Variants in RAB33B observed in about 807,000 individuals in gnomAD.
The protein encoded by RAB33B is RAB33B, member RAS oncogene family.
Under a neutral mutation model 15.0 loss-of-function variants are expected in RAB33B, and 6 were observed. That is an observed-to-expected ratio of 0.40 (90% CI 0.22 to 0.79). The LOEUF is 0.79. Among genes scored for constraint, RAB33B ranks in the 30% least tolerant of loss-of-function variants. The pLI is 0.37. For missense variants in RAB33B, 257 were observed against 296.4 expected, an observed-to-expected ratio of 0.87 and a Z score of 0.98; for synonymous variants, 117 against 108.3, an observed-to-expected ratio of 1.08 and a Z score of -0.50.
the RAB33B span, among the ~76,000 whole-genome samples, chr4:139,442,270 A>T: frequency 6.6e-6 from 1 of 152,242 alleles, no homozygotes; most frequent in Non-Finnish European, 1.5e-5. Context: ...AGTTTAATAT[A>T]GCTGTTAAAT....
At chr4:139,445,692 T>G in the RAB33B span, among the ~76,000 whole-genome samples, 1 of 152,194 alleles carries the variant, frequency 6.6e-6, no homozygotes, top group African/African-American at 2.4e-5. Flanking sequence ...CTGCCAGTTT[T>G]GACTGGGGTC....
At position 139,473,109 on chromosome 4, in the gene RAB33B, A is replaced by G. The variant is rs1291716060; in HGVS notation, c.673A>G (p.Met225Val). Reference protein sequence around the residue: ...IILKPEPKPAMTCWC With the variant: ...IILKPEPKPAVTCWC ...CCTGAAGCCTGAACCAAAGCCTGCA[A>G]TGACGTGCTGGTGCTAAATAACAGT... Residue 225 changes from methionine to valine, a missense_variant, in exon 2 of 2, where the codon ATG (methionine) becomes GTG (valine). Physicochemically the swap from Met to Val is conservative, Grantham distance 21. Coordinates refer to ENST00000305626, the MANE Select transcript of RAB33B (RefSeq NM_031296.3). 1.2e-6 allele frequency: 2 copies of G among 1,603,218 alleles called. No homozygotes were observed. Among genetic ancestry groups the G allele is most frequent in the Non-Finnish European group, 1.7e-6 (2 of 1,174,502 alleles).
At chr4:139,453,405 G>A (rs1350505791), upstream of RAB33B, 1 of 152,372 alleles carries the variant, frequency 6.6e-6, no homozygotes, top group Non-Finnish European at 1.5e-5. Context: ...CCACAGCAAT[G>A]CGCCTGCCAA....
intron 1 of RAB33B, among the ~76,000 whole-genome samples, chr4:139,460,021 ATC>A (rs1411767971): frequency 1.3e-5 from 2 of 152,162 alleles, no homozygotes; most frequent in Non-Finnish European, 2.9e-5. Context: ...TACTCTGGAA[ATC>A]CAGAATTGAG....
intron 1 of RAB33B, among the ~76,000 whole-genome samples, chr4:139,459,175 C>G (rs1037908506): frequency 7.3e-5 from 11 of 150,054 alleles, no homozygotes; most frequent in Non-Finnish European, 1.3e-4. Context: ...ATTCCAGTGA[C>G]TCACACCTGT....
At chr4:139,454,493 A>C (rs773859206) in intron 1 of RAB33B, 49 bp downstream of exon 1, 2 of 1,578,868 alleles carry the variant, frequency 1.3e-6, no homozygotes, top group African/African-American at 2.7e-5. Flanking sequence ...AGGTGTCCCA[A>C]CCCCACCGTG....
At chr4:139,471,829 G>A (rs1022274879) in intron 1 of RAB33B, among the ~76,000 whole-genome samples, 5 of 152,182 alleles carry the variant, frequency 3.3e-5, no homozygotes, top group South Asian at 2.1e-4. Context: ...CCAAGGTTAC[G>A]AAGAGTTAAA....
At chr4:139,459,933 GT>G (rs1750141008) in intron 1 of RAB33B, among the ~76,000 whole-genome samples, 2 of 152,132 alleles carry the variant, frequency 1.3e-5, no homozygotes, top group South Asian at 4.1e-4. Context: ...GTCCGGCCTA[GT>G]TCAGTTCTTA....
chr4:139,443,448 A>C, the RAB33B span, among the ~76,000 whole-genome samples: 1 of 152,206 alleles, frequency 6.6e-6, no homozygotes, highest in African/African-American at 2.4e-5. Flanking sequence ...GTTGTTCCTA[A>C]GTTCACTGGA....
At chr4:139,454,116 C>T (rs1750011347), upstream of RAB33B, 2 of 1,482,150 alleles carry the variant, frequency 1.3e-6, no homozygotes, top group African/African-American at 1.4e-5. Context: ...GCCGGCTGGG[C>T]GCGCGCTCTT....
At chr4:139,464,107 C>A (rs537457472) in intron 1 of RAB33B, among the ~76,000 whole-genome samples, 1 of 152,102 alleles carries the variant, frequency 6.6e-6, no homozygotes, top group African/African-American at 2.4e-5. Context: ...ACCACCCCCC[C>A]ACTGTCTCTA....
chr4:139,463,435 C>T (rs903137767), intron 1 of RAB33B, among the ~76,000 whole-genome samples: 9 of 152,028 alleles, frequency 5.9e-5, no homozygotes, highest in Non-Finnish European at 1.0e-4. Context: ...CACCCCTGGC[C>T]AAGTATATAT....
At chr4:139,468,026 C>T (rs1750323732) in intron 1 of RAB33B, among the ~76,000 whole-genome samples, 1 of 150,558 alleles carries the variant, frequency 6.6e-6, no homozygotes, top group Non-Finnish European at 1.5e-5. Context: ...CACTACCCTT[C>T]CCGAGCCTCT....
upstream of RAB33B, chr4:139,453,955 G>A (rs564807839): frequency 9.1e-5 from 35 of 385,780 alleles, no homozygotes; most frequent in African/African-American, 7.0e-4. Context: ...GCCAGCCCGA[G>A]TGACGCCTGG....
At chr4:139,464,386 G>GTTTTTTTTTTTTTTTTTT (rs372330119) in intron 1 of RAB33B, among the ~76,000 whole-genome samples, 2 of 101,772 alleles carry the variant, frequency 2.0e-5, no homozygotes, top group Non-Finnish European at 3.9e-5. Context: ...GAGGAATACT[G>GTTTTTTTTTTTTTTTTTT]TTTTTTTTTT....
rs764020976 is a variant in RAB33B at position 139,454,168 on chromosome 4, C to T, written c.-28C>T. The T allele has an allele frequency of 4.4e-6, 7 of 1,590,792 alleles. No individual in the cohort carries two copies. The highest frequency in any genetic ancestry group is 2.2e-5 in the East Asian group (1 of 44,650). ...TCAGCCTTTCTGTGTCTCCTTTCCT[C>T]CGCCTCAGTTTGGGGCGGGTCGGGG... On this transcript the variant is annotated 5_prime_UTR_variant, in exon 1 of 2. Coordinates refer to ENST00000305626, the MANE Select transcript of RAB33B (RefSeq NM_031296.3).
At chr4:139,462,441 T>C (rs1244223168) in intron 1 of RAB33B, among the ~76,000 whole-genome samples, 1 of 152,222 alleles carries the variant, frequency 6.6e-6, no homozygotes, top group African/African-American at 2.4e-5. Context: ...TGACCTAAAA[T>C]GTTAAAGGTT....
rs1361989650 is a variant in RAB33B, at chr4:139,454,460, A to G, written c.249+16A>G. On this transcript the variant is annotated intron_variant, in intron 1 of 1. Coordinates refer to ENST00000305626, the MANE Select transcript of RAB33B (RefSeq NM_031296.3). Reference sequence around the variant, plus strand: ...GCGCATCAAGGTGAGCGGATGGGGAACTGTTGGGGAGGACAGGGTGACAGG... The same window carrying G: ...GCGCATCAAGGTGAGCGGATGGGGAGCTGTTGGGGAGGACAGGGTGACAGG... 1 of 1,602,832 alleles carries G rather than the reference A, an allele frequency of 6.2e-7. No individual in the cohort carries two copies. Among genetic ancestry groups the G allele is most frequent in the Non-Finnish European group, 8.5e-7 (1 of 1,179,192 alleles).
intron 1 of RAB33B, among the ~76,000 whole-genome samples, chr4:139,463,578 G>T (rs971936263): frequency 6.6e-6 from 1 of 152,186 alleles, no homozygotes; most frequent in Non-Finnish European, 1.5e-5. Flanking sequence ...ACATTTACCA[G>T]ATGAAAGCGT....
Sources: allele counts gnomAD v4.1 joint callset (sites outside exome capture counted in the v4.1 genomes callset), GRCh38; gene constraint gnomAD v4.1.1; transcripts MANE v1.5; gene names NCBI Gene and HGNC (gene_info 2026-07-23, HGNC 2026-07-21).